The following UBXN2A variants were observed in gnomAD, a reference collection of about 807,000 sequenced individuals.
The protein encoded by UBXN2A is UBX domain-containing protein 2A.
Under a neutral mutation model 28.4 loss-of-function variants are expected in UBXN2A, and 28 were observed. The observed-to-expected ratio is 0.99, with a 90% CI of 0.73 to 1.35. The LOEUF (loss-of-function observed/expected upper bound fraction) is 1.35, where lower values mean the gene tolerates loss of function less well. Ranked by LOEUF, UBXN2A falls within the 40% of genes most tolerant of loss-of-function variation. The pLI, the probability that UBXN2A is intolerant of heterozygous loss-of-function variation, is 0.00. For missense variants in UBXN2A, 253 were observed against 297.9 expected (o/e 0.85, Z 1.11); for synonymous variants, 97 against 103.6 (o/e 0.94, Z 0.39).
intron 1 of UBXN2A, among the ~76,000 whole-genome samples, chr2:23,955,999 A>G (rs1706602645): frequency 6.6e-6 from 1 of 151,996 alleles, no homozygotes; most frequent in African/African-American, 2.4e-5. Flanking sequence ...TGAGTAGTGG[A>G]GATTACAGAT....
intron 3 of UBXN2A, among the ~76,000 whole-genome samples, chr2:23,973,055 T>C (rs940062535): frequency 3.3e-5 from 5 of 152,194 alleles, no homozygotes; most frequent in African/African-American, 1.2e-4. Flanking sequence ...CAACTCACTC[T>C]GTCACCCAGG....
chr2:23,969,463 A>T (rs1263019398), intron 2 of UBXN2A, among the ~76,000 whole-genome samples: 1 of 151,894 alleles, frequency 6.6e-6, no homozygotes, highest in Non-Finnish European at 1.5e-5. Context: ...CCCAGGTTCA[A>T]GTGATTCTCC....
chr2:23,949,119 T>TTC (rs1385817961), intron 1 of UBXN2A, among the ~76,000 whole-genome samples: 41 of 147,286 alleles, frequency 2.8e-4, no homozygotes, highest in African/African-American at 9.4e-4. Flanking sequence ...TTTTTTTCTT[T>TTC]TTTTTTTTTT....
chr2:23,960,602 A>G (rs1458448781), intron 2 of UBXN2A, among the ~76,000 whole-genome samples: 1 of 151,928 alleles, frequency 6.6e-6, no homozygotes, highest in Non-Finnish European at 1.5e-5. Flanking sequence ...AATCCCACCC[A>G]TTGTCCTATG....
chr2:23,981,123 T>C (rs1482792285), intron 4 of UBXN2A, among the ~76,000 whole-genome samples: 10 of 152,048 alleles, frequency 6.6e-5, no homozygotes, highest in Admixed American at 2.0e-4. Flanking sequence ...ATTTATTCAC[T>C]AAAATATTTT....
intron 4 of UBXN2A, among the ~76,000 whole-genome samples, chr2:23,982,684 T>C (rs1052121934): frequency 4.6e-5 from 7 of 152,212 alleles, no homozygotes; most frequent in Admixed American, 4.6e-4. Context: ...ATGCTGTTCA[T>C]GAGCTTATGG....
At chr2:23,996,459 T>C (rs1708535335) in intron 6 of UBXN2A, among the ~76,000 whole-genome samples, 1 of 151,602 alleles carries the variant, frequency 6.6e-6, no homozygotes, top group African/African-American at 2.4e-5. Flanking sequence ...TTTTCTGTTT[T>C]CTTTTTTCTT....
chr2:23,987,563 G>A (rs1277544501), intron 6 of UBXN2A, among the ~76,000 whole-genome samples: 1 of 152,034 alleles, frequency 6.6e-6, no homozygotes, highest in Non-Finnish European at 1.5e-5. Context: ...CAGATTACGA[G>A]GTCAGGAGAT....
rs186076530 is a variant in UBXN2A at position 23,950,000 on chromosome 2, C to T, written c.-14-8301C>T. 5.3e-3 allele frequency among the ~76,000 whole-genome samples: 694 copies of T among 129,800 alleles called. 7 individuals carry two copies. Among genetic ancestry groups the T allele is most frequent in the African/African-American group, 0.02 (606 of 29,846 alleles). 85.2% of individuals were successfully genotyped at this position (129,800 alleles called of 152,430 possible). On this transcript the variant is annotated intron_variant, in intron 1 of 6. Transcript: ENST00000309033. ...ATCACTGGAATAATTTCTCATCATCCCCCCACCCCCACCCCCACCCCCACC... is the reference window on the plus strand; with the variant it reads ...ATCACTGGAATAATTTCTCATCATCTCCCCACCCCCACCCCCACCCCCACC...
At chr2:23,964,241 G>A (rs561640930) in intron 2 of UBXN2A, among the ~76,000 whole-genome samples, 6 of 149,874 alleles carry the variant, frequency 4.0e-5, no homozygotes, top group Non-Finnish European at 4.4e-5. Context: ...ACAGAGTTTC[G>A]CTCTTCTTGC....
rs1707398645 is a variant in UBXN2A at position 23,971,159 on chromosome 2, G to A, written c.42-117G>A. ...CAAGGTTATATTAACTTAGGAGAGG[G>A]CCTGAACTACAGACATGCACGTAGC... On this transcript the variant is annotated intron_variant, in intron 2 of 6. Coordinates refer to ENST00000309033, the MANE Select transcript of UBXN2A (RefSeq NM_181713.4). The A allele has an allele frequency of 5.3e-6, 6 of 1,142,350 alleles. No individual in the cohort carries two copies. In the East Asian group the frequency reaches 1.5e-4, roughly 28 times the overall value. The allele number at this position is 1,142,350 out of a possible 1,614,324, so 70.8% of individuals were successfully genotyped here.
chr2:23,991,373 A>G (rs1573606788), intron 6 of UBXN2A, among the ~76,000 whole-genome samples: 1 of 152,074 alleles, frequency 6.6e-6, no homozygotes, highest in Non-Finnish European at 1.5e-5. Flanking sequence ...CAGATTAACA[A>G]AAGAAATGCA....
Position 23,958,292 on chromosome 2 carries a change from C to CT in UBXN2A, c.-14-5dup, listed in dbSNP as rs766111539. ...TTTCTTTTTACTTACTTTCTTTGTA[C>CT]TTTTACAGTAAGGCGAAAGAGAATG... On this transcript the variant is annotated splice_polypyrimidine_tract_variant and intron_variant, in intron 1 of 6. Transcript: ENST00000309033. 4.4e-6 allele frequency: 7 copies of CT among 1,586,060 alleles called. No individual in the cohort carries two copies. The Admixed American group carries it at 1.1e-4, about 25-fold the overall frequency.
chr2:23,954,527 G>A (rs568782584), intron 1 of UBXN2A, among the ~76,000 whole-genome samples: 3 of 152,212 alleles, frequency 2.0e-5, no homozygotes, highest in African/African-American at 7.2e-5. Context: ...CACCAGTAGC[G>A]TACCAGGGTT....
At chr2:23,949,666 G>A (rs566651248) in intron 1 of UBXN2A, among the ~76,000 whole-genome samples, 3 of 152,192 alleles carry the variant, frequency 2.0e-5, no homozygotes, top group African/African-American at 2.4e-5. Context: ...CCTGAGGTCA[G>A]TAGTTTGAGA....
At chr2:23,997,402 A>C (rs939539219) in intron 6 of UBXN2A, among the ~76,000 whole-genome samples, 32 of 152,298 alleles carry the variant, frequency 2.1e-4, no homozygotes, top group African/African-American at 6.3e-4. Flanking sequence ...CTGATTTCTT[A>C]TATCTCTGGA....
intron 6 of UBXN2A, among the ~76,000 whole-genome samples, chr2:23,998,872 C>CAAAA (rs1708643113): frequency 6.6e-6 from 1 of 152,172 alleles, no homozygotes; most frequent in Non-Finnish European, 1.5e-5. Context: ...CTGGACCTGT[C>CAAAA]TTTTAAGTCC....
intron 6 of UBXN2A, among the ~76,000 whole-genome samples, chr2:23,986,559 A>C (rs192300049): frequency 1.2e-3 from 175 of 152,120 alleles, no homozygotes; most frequent in African/African-American, 4.1e-3. Flanking sequence ...ACTCAGAGAT[A>C]ATCAATAGTA....
intron 6 of UBXN2A, among the ~76,000 whole-genome samples, chr2:23,993,616 T>C (rs567274147): frequency 2.2e-4 from 33 of 152,300 alleles, no homozygotes; most frequent in African/African-American, 5.8e-4. Flanking sequence ...TTTTACTTTT[T>C]CTGTTTTTTA....
Sources: gnomAD v4.1 joint callset for allele counts (sites outside exome capture counted in the v4.1 genomes callset) on GRCh38, gnomAD v4.1.1 for gene constraint, MANE v1.5 for transcripts, NCBI Gene and HGNC (gene_info 2026-07-23, HGNC 2026-07-21) for gene names.